Variants in MYO16 observed in about 807,000 individuals in gnomAD.
MYO16 encodes the protein myosin XVI, also known as unconventional myosin-XVI.
A neutral mutation model predicts 205.3 loss-of-function variants in MYO16; 94 were observed. The observed-to-expected ratio is 0.46, with a 90% CI of 0.39 to 0.54. The LOEUF (loss-of-function observed/expected upper bound fraction) is 0.54. MYO16 is among the 20% of genes least tolerant of loss of function. The pLI, the probability that MYO16 is intolerant of heterozygous loss-of-function variation, is 0.00. For synonymous variants in MYO16, 988 were observed against 954.0 expected, an observed-to-expected ratio of 1.04 and a Z score of -0.66; for missense variants, 2,315 against 2,387.5, an observed-to-expected ratio of 0.97 and a Z score of 0.63.
At chr13:108,855,067 A>C (rs646951) in intron 10 of MYO16, among the ~76,000 whole-genome samples, 2 of 152,178 alleles carry the variant, frequency 1.3e-5, no homozygotes, top group African/African-American at 2.4e-5. Context: ...AACACTACGG[A>C]TATATGAGGT....
chr13:109,003,067 T>G (rs1206951570), intron 21 of MYO16, among the ~76,000 whole-genome samples: 1 of 152,138 alleles, frequency 6.6e-6, no homozygotes, highest in Non-Finnish European at 1.5e-5. Context: ...AAACTTTAAG[T>G]AAAACATTTT....
At chr13:108,644,362 G>GTCTGTCTGTCTGTCTGTCTATCTA (rs1162945930) in intron 1 of MYO16, among the ~76,000 whole-genome samples, 1 of 148,004 alleles carries the variant, frequency 6.8e-6, no homozygotes, top group African/African-American at 2.5e-5. Flanking sequence ...CTGTCTGTCT[G>GTCTGTCTGTCTGTCTGTCTATCTA]TCTATCTATC....
chr13:108,704,381 T>C (rs1883423868), intron 2 of MYO16, among the ~76,000 whole-genome samples: 1 of 152,190 alleles, frequency 6.6e-6, no homozygotes, highest in Non-Finnish European at 1.5e-5. Context: ...AATTTCGTTT[T>C]TGCTGGGAAT....
intron 2 of MYO16, among the ~76,000 whole-genome samples, chr13:108,678,005 T>C (rs1882305722): frequency 6.6e-6 from 1 of 152,204 alleles, no homozygotes; most frequent in Admixed American, 6.5e-5. Context: ...GACTGCTGCT[T>C]AGTGTACAAG....
At chr13:108,854,898 C>A (rs1878088018) in intron 10 of MYO16, among the ~76,000 whole-genome samples, 1 of 152,122 alleles carries the variant, frequency 6.6e-6, no homozygotes, top group South Asian at 2.1e-4. Context: ...CTCATAGCTA[C>A]CTTAATCTTA....
In MYO16 at chr13:109,165,016, A is replaced by G. The variant is rs150744225; in HGVS notation, c.5280A>G (p.Leu1760=). 4.7e-5 allele frequency: 76 copies of G among 1,601,082 alleles called. No individual in the cohort carries two copies. In the African/African-American group the frequency reaches 9.5e-4, roughly 20 times the overall value. ...NNHGIQLSNS[L]SSAITAENGN... ...ATGGAATTCAGTTATCTAATTCACT[A>G]TCTAGTGCTATAACTGCTGAAAATG... Residue 1760 remains leucine (L), a synonymous_variant, in exon 33 of 35, where the codon CTA becomes CTG. Coordinates refer to ENST00000457511, the MANE Select transcript of MYO16 (RefSeq NM_001198950.3).
the MYO16 span, among the ~76,000 whole-genome samples, chr13:108,558,635 A>T: frequency 6.6e-6 from 1 of 152,156 alleles, no homozygotes; most frequent in Admixed American, 6.5e-5. Context: ...ATGGATTATA[A>T]ACCCAGGCAC....
In MYO16 at chr13:109,140,220, G is replaced by T; in HGVS notation, c.4052-44G>T. ...AGCCCCGGGCTTGGTGGGCACCCGT[G>T]GGCCTGGCCTGGCACCCACTGACCG... On this transcript the variant is annotated intron_variant, in intron 31 of 34. Coordinates refer to ENST00000457511, the MANE Select transcript of MYO16 (RefSeq NM_001198950.3). The surrounding 1 kb of genome is among the most constrained non-coding windows in gnomAD (Gnocchi z 8.0). 3 of 1,587,846 alleles carry T rather than the reference G, an allele frequency of 1.9e-6. No individual in the cohort carries two copies. The highest frequency in any genetic ancestry group is 2.6e-6 in the Non-Finnish European group (3 of 1,174,630).
At chr13:108,539,647 A>G in the MYO16 span, among the ~76,000 whole-genome samples, 1 of 152,096 alleles carries the variant, frequency 6.6e-6, no homozygotes, top group Non-Finnish European at 1.5e-5. Flanking sequence ...TGGCATGCTT[A>G]TGGAGAAAGC....
chr13:108,591,503 C>A (rs1878398779), upstream of MYO16, among the ~76,000 whole-genome samples: 1 of 151,886 alleles, frequency 6.6e-6, no homozygotes, highest in South Asian at 2.1e-4. Context: ...ATTTTGAGTG[C>A]CAGGCTTTGG....
At chr13:108,614,925 T>A (rs1182821686) in intron 1 of MYO16, among the ~76,000 whole-genome samples, 1 of 152,074 alleles carries the variant, frequency 6.6e-6, no homozygotes, top group East Asian at 1.9e-4. Flanking sequence ...TTAGATATCA[T>A]GCCAAAATCA....
intron 34 of MYO16, among the ~76,000 whole-genome samples, chr13:109,191,669 T>A (rs1014189114): frequency 2.0e-5 from 3 of 152,188 alleles, no homozygotes; most frequent in Admixed American, 2.0e-4. Flanking sequence ...CTGGTGTGGC[T>A]GCAGTGAGAT....
intron 27 of MYO16, among the ~76,000 whole-genome samples, chr13:109,092,269 C>G (rs1465720552): frequency 2.0e-5 from 3 of 151,918 alleles, no homozygotes; most frequent in Non-Finnish European, 4.4e-5. Flanking sequence ...AATGATTCTC[C>G]TACTTCCTGA....
chr13:108,623,136 A>G (rs1490873998), intron 1 of MYO16, among the ~76,000 whole-genome samples: 1 of 152,146 alleles, frequency 6.6e-6, no homozygotes, highest in Admixed American at 6.5e-5. Flanking sequence ...GTATGCTTTT[A>G]TGTAATCACC....
intron 16 of MYO16, among the ~76,000 whole-genome samples, chr13:108,922,398 T>G (rs1204560624): frequency 6.6e-6 from 1 of 152,152 alleles, no homozygotes; most frequent in African/African-American, 2.4e-5. Context: ...CTGAGAGAGA[T>G]CTTTAAAAAG....
chr13:109,187,841 A>G (rs1254852426), intron 34 of MYO16, among the ~76,000 whole-genome samples: 1 of 152,200 alleles, frequency 6.6e-6, no homozygotes, highest in Non-Finnish European at 1.5e-5. Context: ...CATTGGGTGG[A>G]GTCTTCTGGA....
chr13:108,541,078 A>G, the MYO16 span, among the ~76,000 whole-genome samples: 119 of 152,256 alleles, frequency 7.8e-4, no homozygotes, highest in Non-Finnish European at 1.3e-3. Context: ...CAGGAAGACC[A>G]CAACAGTTTC....
chr13:109,146,349 A>G (rs1386106954), intron 32 of MYO16, among the ~76,000 whole-genome samples: 2 of 152,214 alleles, frequency 1.3e-5, no homozygotes, highest in East Asian at 1.9e-4. Flanking sequence ...ATTGTTTTTC[A>G]AGTTTTCCTT....
At chr13:109,020,625 T>C (rs1228808450) in intron 23 of MYO16, among the ~76,000 whole-genome samples, 1 of 152,220 alleles carries the variant, frequency 6.6e-6, no homozygotes, top group Admixed American at 6.5e-5. Context: ...CAAGATCAAA[T>C]TTTATCCAAC....
Sources: allele counts gnomAD v4.1 joint callset (sites outside exome capture counted in the v4.1 genomes callset), GRCh38; gene constraint gnomAD v4.1.1; non-coding constraint Gnocchi (gnomAD v3.1); transcripts MANE v1.5; gene names NCBI Gene and HGNC (gene_info 2026-07-23, HGNC 2026-07-21).